ST6GALNAC3: variants seen among roughly 807,000 people sequenced by gnomAD.
The protein encoded by ST6GALNAC3 is ST6 N-acetylgalactosaminide alpha-2,6-sialyltransferase 3.
In ST6GALNAC3, 25 loss-of-function variants were observed where a neutral mutation model predicts 32.7. The ratio of observed to expected loss-of-function variants is 0.76; its 90% CI spans 0.56 to 1.07. ST6GALNAC3 has a LOEUF of 1.07. Ranked by LOEUF, ST6GALNAC3 falls within the 50% of genes least tolerant of loss-of-function variation. ST6GALNAC3 has a pLI of 0.00. For missense variants in ST6GALNAC3, 355 were observed against 382.4 expected, an observed-to-expected ratio of 0.93 and a Z score of 0.60; for synonymous variants, 129 against 133.1, an observed-to-expected ratio of 0.97 and a Z score of 0.21.
At chr1:76,097,394 A>C (rs1195937638) in intron 1 of ST6GALNAC3, among the ~76,000 whole-genome samples, 1 of 152,112 alleles carries the variant, frequency 6.6e-6, no homozygotes, top group Admixed American at 6.5e-5. Flanking sequence ...GTGAGTTCTC[A>C]TGAGATCTTA....
At chr1:76,606,114 G>C (rs572519973) in intron 3 of ST6GALNAC3, among the ~76,000 whole-genome samples, 1 of 152,130 alleles carries the variant, frequency 6.6e-6, no homozygotes, top group Admixed American at 6.5e-5. Flanking sequence ...TTACACTCTT[G>C]TTGGGAATGT....
intron 3 of ST6GALNAC3, among the ~76,000 whole-genome samples, chr1:76,604,804 G>C (rs544938705): frequency 6.6e-6 from 1 of 152,222 alleles, no homozygotes; most frequent in Non-Finnish European, 1.5e-5. Flanking sequence ...ATCCCGTCTT[G>C]TTTTCAAATT....
At chr1:76,581,831 C>T (rs1418020017) in intron 3 of ST6GALNAC3, among the ~76,000 whole-genome samples, 2 of 152,038 alleles carry the variant, frequency 1.3e-5, no homozygotes, top group Non-Finnish European at 2.9e-5. Flanking sequence ...CCAGTAGTCT[C>T]TTGGGTAATT....
At chr1:76,583,373 C>T (rs1440666525) in intron 3 of ST6GALNAC3, among the ~76,000 whole-genome samples, 1 of 152,166 alleles carries the variant, frequency 6.6e-6, no homozygotes, top group Non-Finnish European at 1.5e-5. Flanking sequence ...TGGCTATTGA[C>T]ATGCAGGGCT....
chr1:76,292,775 C>T (rs780536680), intron 1 of ST6GALNAC3, among the ~76,000 whole-genome samples: 1 of 152,122 alleles, frequency 6.6e-6, no homozygotes, highest in Non-Finnish European at 1.5e-5. Context: ...GATTCTGTGC[C>T]CTTTTCTGTA....
chr1:76,081,112 A>C (rs534833112), intron 1 of ST6GALNAC3, among the ~76,000 whole-genome samples: 1 of 152,132 alleles, frequency 6.6e-6, no homozygotes, highest in Non-Finnish European at 1.5e-5. Context: ...CAGAAAACCT[A>C]AGTAAATTGT....
At chr1:76,299,237 C>G (rs1410437356) in intron 1 of ST6GALNAC3, among the ~76,000 whole-genome samples, 2 of 152,000 alleles carry the variant, frequency 1.3e-5, no homozygotes, top group Admixed American at 1.3e-4. Context: ...CCTTTCTCTT[C>G]TTGCTGCACT....
At chr1:76,492,680 T>A (rs1660574142) in intron 3 of ST6GALNAC3, among the ~76,000 whole-genome samples, 1 of 152,110 alleles carries the variant, frequency 6.6e-6, no homozygotes, top group Non-Finnish European at 1.5e-5. Context: ...TAGGACAGCA[T>A]ACGTACAAGC....
intron 2 of ST6GALNAC3, among the ~76,000 whole-genome samples, chr1:76,392,112 C>T (rs1468762827): frequency 3.3e-5 from 5 of 152,078 alleles, no homozygotes; most frequent in South Asian, 2.1e-4. Context: ...CACTAGATGA[C>T]GGTAGTATCC....
At chr1:76,542,970 C>T (rs775458800) in intron 3 of ST6GALNAC3, among the ~76,000 whole-genome samples, 7 of 152,150 alleles carry the variant, frequency 4.6e-5, no homozygotes, top group Non-Finnish European at 8.8e-5. Flanking sequence ...CTCACTCTGT[C>T]CTTGGGCCTA....
intron 3 of ST6GALNAC3, among the ~76,000 whole-genome samples, chr1:76,560,778 T>A (rs2100426643): frequency 6.6e-6 from 1 of 152,228 alleles, no homozygotes; most frequent in South Asian, 2.1e-4. Context: ...AGTTTGAACG[T>A]TCCTTGAAAA....
intron 2 of ST6GALNAC3, among the ~76,000 whole-genome samples, chr1:76,391,114 G>A (rs1325525562): frequency 1.3e-5 from 2 of 151,582 alleles, no homozygotes; most frequent in Non-Finnish European, 2.9e-5. Flanking sequence ...TAATGTTTTT[G>A]TATTTTTAGT....
At chr1:76,223,911 T>C (rs1235414905) in intron 1 of ST6GALNAC3, among the ~76,000 whole-genome samples, 1 of 152,224 alleles carries the variant, frequency 6.6e-6, no homozygotes, top group African/African-American at 2.4e-5. Flanking sequence ...TGGTAAACTC[T>C]GAGTCTTTCT....
At position 76,630,778 on chromosome 1, in the gene ST6GALNAC3, G is replaced by T; in HGVS notation, c.*1972G>T. On this transcript the variant is annotated 3_prime_UTR_variant, in exon 5 of 5. Coordinates refer to ENST00000328299, the MANE Select transcript of ST6GALNAC3 (RefSeq NM_152996.4). Reference sequence around the variant, plus strand: ...TGGAAGGAGTTGTTATTCTTTTGTTGTTCCCTTATGCAATTTTTAATTCTA... The same window carrying T: ...TGGAAGGAGTTGTTATTCTTTTGTTTTTCCCTTATGCAATTTTTAATTCTA... 1 of 985,568 alleles carries T rather than the reference G, an allele frequency of 1.0e-6. No individual in the cohort carries two copies. Among genetic ancestry groups the T allele is most frequent in the Non-Finnish European group, 1.2e-6 (1 of 829,816 alleles). 61.1% of individuals were successfully genotyped at this position (985,568 alleles called of 1,614,324 possible).
rs1035531997 is a variant in ST6GALNAC3 at position 76,485,134 on chromosome 1, C to T, written c.623+72717C>T. Among the ~76,000 whole-genome samples, 199 of 152,190 alleles carry T rather than the reference C, an allele frequency of 1.3e-3. 2 individuals carry two copies. Among genetic ancestry groups the T allele is most frequent in the African/African-American group, 4.6e-3 (192 of 41,550 alleles). On this transcript the variant is annotated intron_variant, in intron 3 of 4. Coordinates refer to ENST00000328299, the MANE Select transcript of ST6GALNAC3 (RefSeq NM_152996.4). ...CTGGATTCGGTTTGCCAGTATTTTACTGAGGATTTTTGCATCGATGTTCAT... is the reference window on the plus strand; with the variant it reads ...CTGGATTCGGTTTGCCAGTATTTTATTGAGGATTTTTGCATCGATGTTCAT...
intron 1 of ST6GALNAC3, among the ~76,000 whole-genome samples, chr1:76,181,513 T>G (rs1460951384): frequency 1.3e-5 from 2 of 152,230 alleles, no homozygotes; most frequent in Non-Finnish European, 2.9e-5. Flanking sequence ...TGTTTTATTC[T>G]TTCAATTACA....
At chr1:76,516,121 T>A (rs1222006612) in intron 3 of ST6GALNAC3, among the ~76,000 whole-genome samples, 2 of 152,194 alleles carry the variant, frequency 1.3e-5, no homozygotes, top group African/African-American at 4.8e-5. Context: ...GGCATGCATA[T>A]GCTGGAAAGC....
At chr1:76,561,183 C>T (rs938183596) in intron 3 of ST6GALNAC3, among the ~76,000 whole-genome samples, 2 of 151,908 alleles carry the variant, frequency 1.3e-5, no homozygotes, top group Admixed American at 6.6e-5. Flanking sequence ...GAGAGTAGAA[C>T]GATGGTTACC....
intron 3 of ST6GALNAC3, among the ~76,000 whole-genome samples, chr1:76,523,112 T>C (rs1286789824): frequency 6.6e-6 from 1 of 152,282 alleles, no homozygotes; most frequent in East Asian, 1.9e-4. Flanking sequence ...TTTCCTCAAA[T>C]GTTTAACCTT....
Sources: allele counts gnomAD v4.1 joint callset (sites outside exome capture counted in the v4.1 genomes callset), GRCh38; gene constraint gnomAD v4.1.1; transcripts MANE v1.5; gene names NCBI Gene and HGNC (gene_info 2026-07-23, HGNC 2026-07-21).